Variants in LDB2 observed in about 807,000 individuals in gnomAD.
LDB2 encodes LIM domain-binding protein 2.
Under a neutral mutation model 44.3 loss-of-function variants are expected in LDB2, and 12 were observed. The ratio of observed to expected loss-of-function variants is 0.27; its 90% CI spans 0.17 to 0.44. LDB2 has a LOEUF of 0.44. Among genes scored for constraint, LDB2 ranks in the 20% least tolerant of loss-of-function variants. LDB2 has a pLI of 1.00. For synonymous variants in LDB2, 164 were observed against 174.8 expected, an observed-to-expected ratio of 0.94 and a Z score of 0.49; for missense variants, 344 against 473.5, an observed-to-expected ratio of 0.73 and a Z score of 2.54.
At chr4:16,664,729 C>G (rs999466929) in intron 2 of LDB2, among the ~76,000 whole-genome samples, 1 of 152,226 alleles carries the variant, frequency 6.6e-6, no homozygotes, top group Non-Finnish European at 1.5e-5. Flanking sequence ...ATCTGAATTA[C>G]CTTCCATTCT....
At chr4:16,834,288 G>A (rs773333743) in intron 1 of LDB2, among the ~76,000 whole-genome samples, 34 of 152,188 alleles carry the variant, frequency 2.2e-4, no homozygotes, top group Admixed American at 4.6e-4. Context: ...TAAGCATTTG[G>A]TCTGCAATAT....
chr4:16,864,901 G>A (rs182015099), intron 1 of LDB2, among the ~76,000 whole-genome samples: 1 of 151,788 alleles, frequency 6.6e-6, no homozygotes, highest in Non-Finnish European at 1.5e-5. Flanking sequence ...CTCCAGCCTG[G>A]GCAAAAGAGA....
At chr4:16,541,048 A>G (rs934091534) in intron 5 of LDB2, among the ~76,000 whole-genome samples, 2 of 152,232 alleles carry the variant, frequency 1.3e-5, no homozygotes, top group Admixed American at 1.3e-4. Context: ...TGCTTATTGT[A>G]TAATAGAACT....
At chr4:16,573,938 C>T (rs1747478162) in intron 5 of LDB2, among the ~76,000 whole-genome samples, 2 of 152,142 alleles carry the variant, frequency 1.3e-5, no homozygotes, top group African/African-American at 4.8e-5. Context: ...GTCAAAACCT[C>T]ACAAAAATAA....
intron 5 of LDB2, among the ~76,000 whole-genome samples, chr4:16,568,976 T>C (rs1019589112): frequency 2.6e-5 from 4 of 152,214 alleles, no homozygotes; most frequent in Non-Finnish European, 4.4e-5. Flanking sequence ...CCAAAACTTA[T>C]GAAGTTACAT....
intron 1 of LDB2, among the ~76,000 whole-genome samples, chr4:16,829,737 C>T (rs1272632042): frequency 6.6e-6 from 1 of 152,072 alleles, no homozygotes; most frequent in Admixed American, 6.5e-5. Flanking sequence ...TTTTTATGAC[C>T]AGTACTTCTC....
At chr4:16,680,485 G>A (rs1747544712) in intron 2 of LDB2, among the ~76,000 whole-genome samples, 1 of 152,102 alleles carries the variant, frequency 6.6e-6, no homozygotes, top group African/African-American at 2.4e-5. Context: ...CCATTTACAG[G>A]GTCCTTATGG....
At chr4:16,568,498 C>T (rs1203590075) in intron 5 of LDB2, among the ~76,000 whole-genome samples, 2 of 152,152 alleles carry the variant, frequency 1.3e-5, no homozygotes, top group Non-Finnish European at 2.9e-5. Flanking sequence ...ATTCTTTAAC[C>T]TGTGCAGGTA....
intron 5 of LDB2, among the ~76,000 whole-genome samples, chr4:16,577,990 C>T (rs1712469125): frequency 6.6e-6 from 1 of 152,062 alleles, no homozygotes; most frequent in Non-Finnish European, 1.5e-5. Context: ...ATACATAGTA[C>T]TGGGAAAACT....
chr4:16,526,136 A>C (rs918656174), intron 5 of LDB2, among the ~76,000 whole-genome samples: 1 of 152,162 alleles, frequency 6.6e-6, no homozygotes. Flanking sequence ...ATGGTGTGTG[A>C]GTTAGTGGAC....
At chr4:16,847,845 T>C (rs2110158975) in intron 1 of LDB2, among the ~76,000 whole-genome samples, 1 of 152,354 alleles carries the variant, frequency 6.6e-6, no homozygotes, top group Non-Finnish European at 1.5e-5. Context: ...CTCAATTTCC[T>C]GACCTCGTGA....
At chr4:16,559,737 C>G (rs1741320065) in intron 5 of LDB2, among the ~76,000 whole-genome samples, 1 of 152,282 alleles carries the variant, frequency 6.6e-6, no homozygotes, top group East Asian at 1.9e-4. Context: ...CTACAGAACT[C>G]TCCACCCCAA....
intron 1 of LDB2, among the ~76,000 whole-genome samples, chr4:16,766,650 C>A (rs551816565): frequency 2.0e-5 from 3 of 151,492 alleles, no homozygotes; most frequent in Non-Finnish European, 4.4e-5. Flanking sequence ...GGATTATAGG[C>A]GCCCACCACC....
intron 2 of LDB2, among the ~76,000 whole-genome samples, chr4:16,618,084 C>T (rs1727828335): frequency 6.6e-6 from 1 of 152,154 alleles, no homozygotes; most frequent in African/African-American, 2.4e-5. Context: ...TTAGGCGCAC[C>T]TCCTGCAAAT....
In LDB2 at chr4:16,521,243, C is replaced by T. The variant is rs186589514; in HGVS notation, c.616-9139G>A. Among the ~76,000 whole-genome samples, 804 of 152,232 alleles carry T rather than the reference C, an allele frequency of 5.3e-3. 12 individuals are homozygous for T. Among genetic ancestry groups the T allele is most frequent in the African/African-American group, 0.019 (773 of 41,548 alleles). Reference sequence around the variant, plus strand: ...TCTGAAATCAAGGAGTAGGCAGGGCCGAGCTCCCTCTGAAGGCTCCCATGA... The same window carrying T: ...TCTGAAATCAAGGAGTAGGCAGGGCTGAGCTCCCTCTGAAGGCTCCCATGA... On this transcript the variant is annotated intron_variant, in intron 5 of 7. Transcript: ENST00000304523.
chr4:16,569,047 C>T (rs1482291526), intron 5 of LDB2, among the ~76,000 whole-genome samples: 1 of 152,324 alleles, frequency 6.6e-6, no homozygotes, highest in South Asian at 2.1e-4. Context: ...TGTTAATCAA[C>T]ATCATGTAGA....
In LDB2 at chr4:16,578,187, C is replaced by T. The variant is rs148232970; in HGVS notation, c.615+7735G>A. The stretch of plus-strand genomic sequence containing the variant: ...TTCTTGACCAATACCCCACAGGCAC[C>T]CCAAAAATGGACAAAAGAGGTCACA... On this transcript the variant is annotated intron_variant, in intron 5 of 7. Transcript: ENST00000304523. Among the ~76,000 whole-genome samples, 19 of 151,786 alleles carry T rather than the reference C, an allele frequency of 1.3e-4. No individual in the cohort carries two copies. The East Asian group carries it at 2.9e-3, about 23-fold the overall frequency.
chr4:16,560,171 G>C (rs147193345), intron 5 of LDB2, among the ~76,000 whole-genome samples: 2 of 152,048 alleles, frequency 1.3e-5, no homozygotes. Flanking sequence ...AAAAGCAAGA[G>C]CAAACACATT....
intron 2 of LDB2, among the ~76,000 whole-genome samples, chr4:16,665,937 AG>A (rs1743034383): frequency 1.3e-5 from 2 of 152,156 alleles, no homozygotes; most frequent in Admixed American, 1.3e-4. Context: ...TGGAGCTACA[AG>A]CCCCGGAATG....
Sources: allele counts gnomAD v4.1 joint callset (sites outside exome capture counted in the v4.1 genomes callset), GRCh38; gene constraint gnomAD v4.1.1; transcripts MANE v1.5; gene names NCBI Gene and HGNC (gene_info 2026-07-23, HGNC 2026-07-21).